The following CSMD3 variants were observed in gnomAD, a reference collection of about 807,000 sequenced individuals.
The protein encoded by CSMD3 is CUB and sushi domain-containing protein 3.
A neutral mutation model predicts 435.2 loss-of-function variants in CSMD3; 177 were observed. The ratio of observed to expected loss-of-function variants is 0.41; its 90% CI spans 0.36 to 0.46. The LOEUF (loss-of-function observed/expected upper bound fraction) is 0.46, where lower values mean the gene tolerates loss of function less well. CSMD3 is among the 20% of genes least tolerant of loss of function. The probability of loss-of-function intolerance (pLI) is 0.34; values close to 1 mark genes in which losing one functional copy is unlikely to be tolerated. For missense variants in CSMD3, 4,265 were observed against 4,504.6 expected (o/e 0.95, Z 1.52); for synonymous variants, 1,656 against 1,520.5 (o/e 1.09, Z -2.07).
At chr8:113,312,480 T>C (rs2093877094) in intron 2 of CSMD3, 1 of 152,116 alleles carries the variant, frequency 6.6e-6, no homozygotes, top group African/African-American at 2.4e-5. Flanking sequence ...ATGAGAACAA[T>C]AAATTTATTT....
intron 5 of CSMD3, among the ~76,000 whole-genome samples, chr8:113,043,815 A>G (rs79459049): frequency 0.047 from 7,159 of 151,424 alleles, 232 homozygotes; most frequent in Non-Finnish European, 0.07. Context: ...TTAATTTTGG[A>G]AAAAAAAATG....
chr8:113,282,277 A>G (rs2093618272), intron 2 of CSMD3, among the ~76,000 whole-genome samples: 2 of 152,006 alleles, frequency 1.3e-5, no homozygotes. Flanking sequence ...GTAAAGAGGA[A>G]GCCAAACTGT....
intron 58 of CSMD3, among the ~76,000 whole-genome samples, chr8:112,283,081 A>G (rs921888847): frequency 6.6e-6 from 1 of 152,084 alleles, no homozygotes; most frequent in Admixed American, 6.6e-5. Context: ...CCATTTCTTA[A>G]TAGGAAAGTG....
In CSMD3 at chr8:112,492,509, C is replaced by T. The variant is rs566327521; in HGVS notation, c.5258G>A (p.Arg1753Lys). ...CTTACCATGACAACTTGGCAAGGCT[C>T]TATTCCATCCAGGTCTTCCATCATC... is the stretch of plus-strand genomic sequence containing the variant. ...MGDDGRPGWN[R>K]ALPSCHAPCG... is the part of the protein sequence containing the mutation. The change falls in exon 31 of 71, where the codon AGA becomes AAA. Residue 1753 changes from arginine (R) to lysine (K), a missense_variant. Arg to Lys is a conservative substitution (Grantham distance 26). Transcript: ENST00000297405. 6.2e-6 allele frequency: 10 copies of T among 1,613,940 alleles called. No homozygotes were observed. In the African/African-American group the frequency reaches 1.3e-4, roughly 22 times the overall value.
rs1481943270 is a variant in CSMD3, at chr8:112,224,205, G to GTC, written c.*564_*565dup. The GTC allele has an allele frequency of 6.5e-6, 1 of 154,750 alleles. No homozygotes were observed. Among genetic ancestry groups the GTC allele is most frequent in the African/African-American group, 2.4e-5 (1 of 41,430 alleles). 9.6% of individuals were successfully genotyped at this position (154,750 alleles called of 1,614,324 possible). On this transcript the variant is annotated 3_prime_UTR_variant, in exon 71 of 71. Coordinates refer to ENST00000297405, the MANE Select transcript of CSMD3 (RefSeq NM_198123.2). The stretch of plus-strand genomic sequence containing the variant: ...TTCAAATTGGAATGGGAAACCTTAT[G>GTC]TCTTCCGAGGCATAAACTAGCTCAT...
intron 11 of CSMD3, among the ~76,000 whole-genome samples, chr8:112,849,103 G>C (rs1030935106): frequency 1.3e-5 from 2 of 151,840 alleles, no homozygotes; most frequent in Non-Finnish European, 2.9e-5. Flanking sequence ...TATTTCTTCC[G>C]ACAATTAAGA....
chr8:112,944,359 T>C (rs964034495), intron 9 of CSMD3, among the ~76,000 whole-genome samples: 1 of 151,856 alleles, frequency 6.6e-6, no homozygotes, highest in East Asian at 1.9e-4. Flanking sequence ...GGATCCCATT[T>C]ATTTTCTCCT....
chr8:113,012,737 G>C (rs1042275405), intron 6 of CSMD3, among the ~76,000 whole-genome samples: 11 of 151,988 alleles, frequency 7.2e-5, no homozygotes, highest in Non-Finnish European at 1.0e-4. Flanking sequence ...AAATCATCCA[G>C]TCTCTGGTGG....
chr8:113,098,382 T>C (rs946962328), intron 5 of CSMD3: 2 of 220,674 alleles, frequency 9.1e-6, no homozygotes, highest in Admixed American at 1.1e-4. Context: ...TTCCCCCAGA[T>C]GATGGTGTTT....
At chr8:113,255,398 A>G (rs1000337800) in intron 3 of CSMD3, among the ~76,000 whole-genome samples, 5 of 152,146 alleles carry the variant, frequency 3.3e-5, no homozygotes, top group African/African-American at 1.2e-4. Flanking sequence ...TAAAAGGAGC[A>G]TATCTGATGA....
At chr8:112,559,726 A>G (rs1828443809) in intron 24 of CSMD3, among the ~76,000 whole-genome samples, 1 of 151,924 alleles carries the variant, frequency 6.6e-6, no homozygotes, top group Admixed American at 6.6e-5. Flanking sequence ...CAAACCTGAT[A>G]TGAACAAATC....
chr8:112,547,906 A>G (rs975984492), intron 27 of CSMD3, among the ~76,000 whole-genome samples: 1 of 152,172 alleles, frequency 6.6e-6, no homozygotes, highest in Non-Finnish European at 1.5e-5. Context: ...CCTAGGATGA[A>G]TGAGTGAATG....
chr8:113,365,741 C>G (rs1310872679), intron 1 of CSMD3, among the ~76,000 whole-genome samples: 2 of 151,998 alleles, frequency 1.3e-5, no homozygotes, highest in African/African-American at 4.8e-5. Context: ...GCCTGTCCCA[C>G]TGTGTCTGTA....
chr8:112,865,479 T>C (rs2080951820), intron 10 of CSMD3, among the ~76,000 whole-genome samples: 1 of 152,108 alleles, frequency 6.6e-6, no homozygotes, highest in African/African-American at 2.4e-5. Flanking sequence ...CTCCAACAGA[T>C]TCTTAGAATT....
chr8:112,960,700 A>T (rs1002307566), intron 7 of CSMD3, among the ~76,000 whole-genome samples: 1 of 151,792 alleles, frequency 6.6e-6, no homozygotes, highest in African/African-American at 2.4e-5. Context: ...ATAAAAATTA[A>T]AAAAAGTTCT....
chr8:112,631,688 A>G lies in CSMD3; in HGVS notation c.3715+5129T>C, dbSNP rs545261119. Among the ~76,000 whole-genome samples the G allele has an allele frequency of 1.9e-4, 29 of 152,158 alleles. No homozygotes were observed. The South Asian group carries it at 5.6e-3, about 29-fold the overall frequency. Reference sequence around the variant, plus strand: ...GAACAAATATAAGTTAATATTCTAGAAGCTTTTATATTGTTAAGCCAAGAA... The same window carrying G: ...GAACAAATATAAGTTAATATTCTAGGAGCTTTTATATTGTTAAGCCAAGAA... On this transcript the variant is annotated intron_variant, in intron 22 of 70. Transcript: ENST00000297405.
chr8:112,628,328 T>C (rs1431999654), intron 22 of CSMD3, among the ~76,000 whole-genome samples: 2 of 152,164 alleles, frequency 1.3e-5, no homozygotes, highest in Admixed American at 1.3e-4. Flanking sequence ...TATCTTTTTG[T>C]TTCTATCAAT....
At chr8:113,271,857 G>A (rs2093530418) in intron 3 of CSMD3, among the ~76,000 whole-genome samples, 1 of 152,112 alleles carries the variant, frequency 6.6e-6, no homozygotes, top group Non-Finnish European at 1.5e-5. Context: ...AACCAGAAGT[G>A]GTGCTATACC....
At chr8:112,903,883 C>G (rs1442678430) in intron 10 of CSMD3, among the ~76,000 whole-genome samples, 1 of 151,248 alleles carries the variant, frequency 6.6e-6, no homozygotes, top group African/African-American at 2.4e-5. Context: ...TGCCAACTTT[C>G]TAGTTGGATG....
Sources: gnomAD v4.1 joint callset for allele counts (sites outside exome capture counted in the v4.1 genomes callset) on GRCh38, gnomAD v4.1.1 for gene constraint, MANE v1.5 for transcripts, NCBI Gene and HGNC (gene_info 2026-07-23, HGNC 2026-07-21) for gene names.